Variants in CELSR1 observed in about 807,000 individuals in gnomAD.
The protein encoded by CELSR1 is adhesion G protein-coupled receptor C1.
In CELSR1, 110 loss-of-function variants were observed where a neutral mutation model predicts 249.1. That is an observed-to-expected ratio of 0.44 (90% CI 0.38 to 0.52). The LOEUF is 0.52. Ranked by LOEUF, CELSR1 falls within the 20% of genes least tolerant of loss-of-function variation. The pLI is 0.00. For missense variants in CELSR1, 4,109 were observed against 4,296.4 expected (o/e 0.96, Z 1.22); for synonymous variants, 2,113 against 1,900.0 (o/e 1.11, Z -2.92).
chr22:46,466,769 C>T (rs867722623), intron 1 of CELSR1, among the ~76,000 whole-genome samples: 22 of 152,266 alleles, frequency 1.4e-4, no homozygotes, highest in Admixed American at 3.9e-4. Context: ...TGCTGGGAAC[C>T]GAACTGTGTC....
At chr22:46,432,707 C>T (rs1365537355) in intron 5 of CELSR1, among the ~76,000 whole-genome samples, 2 of 152,190 alleles carry the variant, frequency 1.3e-5, no homozygotes, top group Admixed American at 1.3e-4. Flanking sequence ...CAGTTACATC[C>T]AGGTACAGTG....
intron 1 of CELSR1, among the ~76,000 whole-genome samples, chr22:46,511,745 T>C (rs1319682859): frequency 6.6e-6 from 1 of 150,688 alleles, no homozygotes; most frequent in Non-Finnish European, 1.5e-5. Flanking sequence ...GCAGGGAGAG[T>C]AGGGGGCAGA....
chr22:46,363,997 C>CA lies in CELSR1; in HGVS notation c.9033dup (p.Glu3012Ter), dbSNP rs1167262899. The CA allele has an allele frequency of 1.9e-6, 3 of 1,600,538 alleles. No homozygotes were observed. The highest frequency in any genetic ancestry group is 4.5e-5 in the East Asian group (2 of 44,482). ...GCCCTGGAGGCCCAGGCTACTCACT[C>CA]AGAGTCGGAGCCATCGGCCTGGGCG... On this transcript the variant is annotated frameshift_variant and splice_region_variant, in exon 34 of 35. Transcript: ENST00000674500. LOFTEE classifies it high-confidence loss of function. This position sits in a 1 kb window ranked among gnomAD's most constrained non-coding sequence, Gnocchi z 4.3.
chr22:46,426,339 G>A (rs1001709763), intron 5 of CELSR1, among the ~76,000 whole-genome samples: 1 of 152,204 alleles, frequency 6.6e-6, no homozygotes, highest in Non-Finnish European at 1.5e-5. Context: ...AACAGAGGCT[G>A]AGCGCCTTGT....
intron 2 of CELSR1, among the ~76,000 whole-genome samples, chr22:46,457,877 G>A (rs912062366): frequency 2.0e-5 from 3 of 152,348 alleles, no homozygotes; most frequent in African/African-American, 7.2e-5. Flanking sequence ...AGGCAGCACA[G>A]GCAGCACTCT....
chr22:46,458,046 C>T lies in CELSR1; in HGVS notation c.4183+5661G>A, dbSNP rs190554886. Among the ~76,000 whole-genome samples, 357 of 152,290 alleles carry T rather than the reference C, an allele frequency of 2.3e-3. 6 individuals carry two copies. The highest frequency in any genetic ancestry group is 0.018 in the Admixed American group (281 of 15,302). ...AGGACGCTGCTGTCTGCATCTAGTG[C>T]AGAGGGAGGAAGGTGACAATGACAA... On this transcript the variant is annotated intron_variant, in intron 2 of 34. Transcript: ENST00000674500.
In CELSR1 at chr22:46,478,545, AT is replaced by A. The variant is rs34932520; in HGVS notation, c.3545-14201del. The stretch of plus-strand genomic sequence containing the variant: ...AGAGCTGTGGACAATAAAGATGAGA[AT>A]TTTTTTTTTTTTTTGAGATGGAGTC... On this transcript the variant is annotated intron_variant, in intron 1 of 34. Transcript: ENST00000674500. Among the ~76,000 whole-genome samples the A allele has an allele frequency of 6.5e-3, 934 of 143,152 alleles. 3 individuals are homozygous for A. Among genetic ancestry groups the A allele is most frequent in the African/African-American group, 9.2e-3 (358 of 39,052 alleles). 93.9% of individuals were successfully genotyped at this position (143,152 alleles called of 152,430 possible). A position where few individuals can be genotyped will look rare whatever the true frequency, so the allele number is the denominator to read the frequency against.
Position 46,377,054 on chromosome 22 carries a change from G to A in CELSR1, c.7584+7C>T, listed in dbSNP as rs1415336242. 1 of 1,612,306 alleles carries A rather than the reference G, an allele frequency of 6.2e-7. No individual in the cohort carries two copies. Among genetic ancestry groups the A allele is most frequent in the East Asian group, 2.2e-5 (1 of 44,876 alleles). On this transcript the variant is annotated splice_region_variant and intron_variant, in intron 24 of 34. Coordinates refer to ENST00000674500, the MANE Select transcript of CELSR1 (RefSeq NM_001378328.1). ...AGACAGTGGGGAGGGGAGCAGAGTGGCCATACCGGGTTTTCCGTCTGGTTG... is the reference window on the plus strand; with the variant it reads ...AGACAGTGGGGAGGGGAGCAGAGTGACCATACCGGGTTTTCCGTCTGGTTG...
Position 46,408,925 on chromosome 22 carries a change from A to G in CELSR1, c.5226+71T>C. ...GCAGGTGCCCGAGTGTGCACCAGGA[A>G]GCCCAGCGCCTGGGTCCCTCCCTCG... On this transcript the variant is annotated intron_variant, in intron 9 of 34. Coordinates refer to ENST00000674500, the MANE Select transcript of CELSR1 (RefSeq NM_001378328.1). This position sits in a 1 kb window ranked among gnomAD's most constrained non-coding sequence, Gnocchi z 4.6. 1 of 1,305,522 alleles carries G rather than the reference A, an allele frequency of 7.7e-7. No individual in the cohort carries two copies. Among genetic ancestry groups the G allele is most frequent in the Non-Finnish European group, 1.0e-6 (1 of 966,466 alleles). The allele number at this position is 1,305,522 out of a possible 1,614,324, so 80.9% of individuals were successfully genotyped here. A position where few individuals can be genotyped will look rare whatever the true frequency, so the allele number is the denominator to read the frequency against.
intron 1 of CELSR1, among the ~76,000 whole-genome samples, chr22:46,480,629 G>C (rs2080256939): frequency 6.6e-6 from 1 of 152,328 alleles, no homozygotes. Context: ...TGGCAACGAA[G>C]AGGAAATATC....
In CELSR1 at chr22:46,536,900, G is replaced by T; in HGVS notation, c.271C>A (p.Arg91Ser). ...GAGRPLPLQV[R>S]LVARSAPTAL... ...GTCGGGGCACTGCGGGCCACCAAGC[G>T]GACTTGCAGCGGCAGCGGGCGCCCC... Residue 91 changes from arginine to serine, a missense_variant, in exon 1 of 35, where the codon CGC (arginine) becomes AGC (serine). Arg to Ser is a moderately radical substitution (Grantham distance 110, BLOSUM62 -1). Coordinates refer to ENST00000674500, the MANE Select transcript of CELSR1 (RefSeq NM_001378328.1). 2 of 1,205,314 alleles carry T rather than the reference G, an allele frequency of 1.7e-6. No homozygotes were observed. Among genetic ancestry groups the T allele is most frequent in the Non-Finnish European group, 2.1e-6 (2 of 968,498 alleles). The allele number at this position is 1,205,314 out of a possible 1,614,324, so 74.7% of individuals were successfully genotyped here. A position where few individuals can be genotyped will look rare whatever the true frequency, so the allele number is the denominator to read the frequency against.
At chr22:46,419,877 C>A (rs970706443) in intron 5 of CELSR1, among the ~76,000 whole-genome samples, 1 of 151,648 alleles carries the variant, frequency 6.6e-6, no homozygotes, top group Non-Finnish European at 1.5e-5. Flanking sequence ...ATGTGCACTC[C>A]CACACGTGCC....
rs961592898 is a variant in CELSR1 at position 46,464,458 on chromosome 22, G to A, written c.3545-113C>T. The A allele has an allele frequency of 2.6e-5, 30 of 1,133,464 alleles. No homozygotes were observed. Among genetic ancestry groups the A allele is most frequent in the Non-Finnish European group, 3.6e-5 (29 of 808,434 alleles). 70.2% of individuals were successfully genotyped at this position (1,133,464 alleles called of 1,614,324 possible). On this transcript the variant is annotated intron_variant, in intron 1 of 34. Coordinates refer to ENST00000674500, the MANE Select transcript of CELSR1 (RefSeq NM_001378328.1). The surrounding 1 kb of genome is among the most constrained non-coding windows in gnomAD (Gnocchi z 8.5). ...GCTTGGCAAAGGAGAAGAGAGCCTG[G>A]GCATCCCCACTCCCCATTCCCCACC...
chr22:46,502,239 G>T (rs1257919460), intron 1 of CELSR1, among the ~76,000 whole-genome samples: 1 of 143,624 alleles, frequency 7.0e-6, no homozygotes, highest in Non-Finnish European at 1.5e-5. Flanking sequence ...CTCCAGCCTG[G>T]GTGACAGAGT....
rs2079314757 is a variant in CELSR1 at position 46,410,046 on chromosome 22, G to A, written c.4934-166C>T. Among the ~76,000 whole-genome samples the A allele has an allele frequency of 6.6e-6, 1 of 152,230 alleles. No homozygotes were observed. The highest frequency in any genetic ancestry group is 1.5e-5 in the Non-Finnish European group (1 of 68,040). ...CGGCAGGAACATGGGAACTAAGAAG[G>A]TGCTGAACGCACTGACCACATTTGG... On this transcript the variant is annotated intron_variant, in intron 7 of 34. Coordinates refer to ENST00000674500, the MANE Select transcript of CELSR1 (RefSeq NM_001378328.1). The surrounding 1 kb of genome is among the most constrained non-coding windows in gnomAD (Gnocchi z 6.8).
Position 46,396,861 on chromosome 22 carries a change from G to T in CELSR1, c.5702-115C>A. ...ATCTGACTTTCCCTGGTACTCAGCA[G>T]AGGGAAGAGGAAGAGTGCCACAGAG... On this transcript the variant is annotated intron_variant, in intron 12 of 34. Transcript: ENST00000674500. The surrounding 1 kb of genome is among the most constrained non-coding windows in gnomAD (Gnocchi z 6.4). 2 of 1,373,576 alleles carry T rather than the reference G, an allele frequency of 1.5e-6. No individual in the cohort carries two copies. The highest frequency in any genetic ancestry group is 2.0e-6 in the Non-Finnish European group (2 of 1,001,252). 85.1% of individuals were successfully genotyped at this position (1,373,576 alleles called of 1,614,324 possible). A position where few individuals can be genotyped will look rare whatever the true frequency, so the allele number is the denominator to read the frequency against.
At position 46,536,272 on chromosome 22, in the gene CELSR1, G is replaced by A. The variant is rs759834968; in HGVS notation, c.899C>T (p.Ser300Phe). 1.9e-6 allele frequency: 3 copies of A among 1,612,516 alleles called. No homozygotes were observed. Among genetic ancestry groups the A allele is most frequent in the East Asian group, 4.5e-5 (2 of 44,872 alleles). Residue 300 changes from serine to phenylalanine, a missense_variant, in exon 1 of 35, where the codon TCT (serine) becomes TTT (phenylalanine). Ser to Phe is a radical substitution (Grantham distance 155, BLOSUM62 -2). This residue lies in a region of CELSR1 where 673 missense variants were observed against 636.8 expected (regional missense o/e 1.06). Coordinates refer to ENST00000674500, the MANE Select transcript of CELSR1 (RefSeq NM_001378328.1). The part of the protein sequence containing the change: ...ERSRGYFRID[S>F]ATGAVSTDSV... The stretch of plus-strand genomic sequence containing the variant: ...GTCCGTGCTCACGGCGCCCGTGGCA[G>A]AGTCGATTCGGAAGTAGCCCCGGGA...
At chr22:46,462,014 G>A (rs11913399) in intron 2 of CELSR1, among the ~76,000 whole-genome samples, 15,759 of 152,286 alleles carry the variant, frequency 0.1, 884 homozygotes, top group African/African-American at 0.13. Context: ...AGAGGAGGGG[G>A]CCTGGTTCAG....
chr22:46,429,519 A>C lies in CELSR1; in HGVS notation c.4611+3874T>G, dbSNP rs550747293. ...TGCCTTTGAAAAGACCGTCCTGGAA[A>C]AACGTCCGACTCCAATGTACCCTTT... is the stretch of plus-strand genomic sequence containing the variant. On this transcript the variant is annotated intron_variant, in intron 5 of 34. Transcript: ENST00000674500. This position sits in a 1 kb window ranked among gnomAD's most constrained non-coding sequence, Gnocchi z 4.1. Among the ~76,000 whole-genome samples the C allele has an allele frequency of 2.0e-4, 31 of 152,362 alleles. No homozygotes were observed. Among genetic ancestry groups the C allele is most frequent in the African/African-American group, 7.2e-4 (30 of 41,590 alleles).
Sources: allele counts gnomAD v4.1 joint callset (sites outside exome capture counted in the v4.1 genomes callset), GRCh38; gene constraint gnomAD v4.1.1; regional missense constraint gnomAD v4.1.1; non-coding constraint Gnocchi (gnomAD v3.1); transcripts MANE v1.5; gene names NCBI Gene and HGNC (gene_info 2026-07-23, HGNC 2026-07-21).